MGAT4C: variants seen among roughly 807,000 people sequenced by gnomAD.
MGAT4C encodes MGAT4 family member C, also known as alpha-1,3-mannosyl-glycoprotein 4-beta-N-acetylglucosaminyltransferase C.
MGAT4C carries 19 observed loss-of-function variants against 40.1 expected under a neutral mutation model. The ratio of observed to expected loss-of-function variants is 0.47; its 90% CI spans 0.33 to 0.70. MGAT4C has a LOEUF of 0.70. MGAT4C is among the 30% of genes least tolerant of loss of function. The probability of loss-of-function intolerance (pLI) is 0.02; values close to 1 mark genes in which losing one functional copy is unlikely to be tolerated. For missense variants in MGAT4C, 491 were observed against 563.2 expected (o/e 0.87, Z 1.30); for synonymous variants, 181 against 187.1 (o/e 0.97, Z 0.27).
intron 2 of MGAT4C, among the ~76,000 whole-genome samples, chr12:86,704,708 A>T (rs1950425160): frequency 6.6e-6 from 1 of 152,126 alleles, no homozygotes; most frequent in Admixed American, 6.6e-5. Context: ...GATTGGCAAC[A>T]TGTAGTAAAA....
At chr12:86,235,186 A>G (rs1289390002) in intron 1 of MGAT4C, among the ~76,000 whole-genome samples, 1 of 151,978 alleles carries the variant, frequency 6.6e-6, no homozygotes, top group African/African-American at 2.4e-5. Context: ...TCGGCAGCAT[A>G]ATGAATATTC....
intron 1 of MGAT4C, among the ~76,000 whole-genome samples, chr12:86,785,130 G>A (rs990941451): frequency 6.6e-6 from 1 of 151,884 alleles, no homozygotes; most frequent in Non-Finnish European, 1.5e-5. Flanking sequence ...AAATACAGTC[G>A]CTAAATTATG....
At chr12:86,248,204 T>C (rs1363230692) in intron 1 of MGAT4C, among the ~76,000 whole-genome samples, 1 of 132,772 alleles carries the variant, frequency 7.5e-6, no homozygotes, top group Non-Finnish European at 1.7e-5. Flanking sequence ...TCTTCCTTCC[T>C]TCCTTCCTTC....
chr12:86,606,745 TAA>T (rs796428851), intron 2 of MGAT4C, among the ~76,000 whole-genome samples: 1 of 151,120 alleles, frequency 6.6e-6, no homozygotes, highest in African/African-American at 2.4e-5. Context: ...GATTGCTGGA[TAA>T]AAAAAAAGGC....
At chr12:86,630,110 G>A (rs530440497) in intron 2 of MGAT4C, among the ~76,000 whole-genome samples, 4 of 152,228 alleles carry the variant, frequency 2.6e-5, no homozygotes, top group African/African-American at 9.6e-5. Flanking sequence ...TTCCATCAGA[G>A]AATACTATAA....
intron 1 of MGAT4C, among the ~76,000 whole-genome samples, chr12:86,741,382 C>A (rs1041035269): frequency 7.3e-5 from 11 of 151,076 alleles, no homozygotes; most frequent in African/African-American, 2.7e-4. Flanking sequence ...TTTATATGAT[C>A]CTCTTTTGAA....
chr12:86,219,473 T>C (rs1428512362), intron 1 of MGAT4C, among the ~76,000 whole-genome samples: 1 of 152,220 alleles, frequency 6.6e-6, no homozygotes. Flanking sequence ...GTTGGATCAT[T>C]TGAACACTTA....
chr12:86,639,861 T>G (rs1247723719), intron 2 of MGAT4C, among the ~76,000 whole-genome samples: 1 of 151,752 alleles, frequency 6.6e-6, no homozygotes, highest in Non-Finnish European at 1.5e-5. Flanking sequence ...ACATCAAGAT[T>G]ATAAGGTTTC....
chr12:86,111,247 T>A (rs995018331), intron 1 of MGAT4C, among the ~76,000 whole-genome samples: 1 of 151,748 alleles, frequency 6.6e-6, no homozygotes, highest in African/African-American at 2.4e-5. Flanking sequence ...GTTAATGGCA[T>A]AAGAAAATGA....
intron 2 of MGAT4C, among the ~76,000 whole-genome samples, chr12:86,468,108 A>G (rs1340821121): frequency 6.6e-6 from 1 of 152,060 alleles, no homozygotes; most frequent in Non-Finnish European, 1.5e-5. Flanking sequence ...CTCAAAATTC[A>G]TATGCCCTAC....
chr12:86,574,161 T>C (rs1960473580), intron 2 of MGAT4C, among the ~76,000 whole-genome samples: 1 of 151,784 alleles, frequency 6.6e-6, no homozygotes, highest in South Asian at 2.1e-4. Context: ...AATTATGGTA[T>C]GGATATCTAT....
intron 4 of MGAT4C, among the ~76,000 whole-genome samples, chr12:86,326,878 C>T (rs772481134): frequency 6.6e-6 from 1 of 151,950 alleles, no homozygotes; most frequent in Non-Finnish European, 1.5e-5. Context: ...ACAATAATAA[C>T]AAAAATAAGA....
intron 2 of MGAT4C, among the ~76,000 whole-genome samples, chr12:86,585,895 C>T (rs1391122155): frequency 1.3e-5 from 2 of 151,130 alleles, no homozygotes; most frequent in Non-Finnish European, 3.0e-5. Context: ...ATGCAACATA[C>T]ATCTTCTTGA....
intron 1 of MGAT4C, among the ~76,000 whole-genome samples, chr12:86,085,679 A>T (rs919059907): frequency 4.6e-5 from 7 of 152,172 alleles, no homozygotes; most frequent in African/African-American, 1.4e-4. Flanking sequence ...CAAGGAACTT[A>T]AACAAATTTA....
At chr12:86,039,781 A>G (rs1007785765) in intron 2 of MGAT4C, among the ~76,000 whole-genome samples, 3 of 152,064 alleles carry the variant, frequency 2.0e-5, no homozygotes, top group South Asian at 2.1e-4. Flanking sequence ...GGGAGTTGTG[A>G]TCCTTTGAAG....
chr12:86,213,712 A>C (rs763562173), intron 1 of MGAT4C, among the ~76,000 whole-genome samples: 18 of 152,224 alleles, frequency 1.2e-4, no homozygotes, highest in Admixed American at 7.8e-4. Context: ...TTCTATACAC[A>C]TATTGGACTG....
chr12:86,092,604 C>T (rs530177995), intron 1 of MGAT4C, among the ~76,000 whole-genome samples: 2 of 152,200 alleles, frequency 1.3e-5, no homozygotes, highest in East Asian at 3.9e-4. Flanking sequence ...AAAATTTCAA[C>T]TAAATTCTCA....
intron 2 of MGAT4C, among the ~76,000 whole-genome samples, chr12:86,711,772 G>A (rs1317196981): frequency 6.6e-6 from 1 of 152,100 alleles, no homozygotes. Flanking sequence ...TCATATTTGT[G>A]TTGTTTTGTA....
At chr12:86,430,742 A>G (rs944535197) in intron 3 of MGAT4C, among the ~76,000 whole-genome samples, 1 of 152,122 alleles carries the variant, frequency 6.6e-6, no homozygotes, top group African/African-American at 2.4e-5. Flanking sequence ...GTGGATCCAG[A>G]GGCTATGGTC....
Sources: allele counts gnomAD v4.1 joint callset (sites outside exome capture counted in the v4.1 genomes callset), GRCh38; gene constraint gnomAD v4.1.1; transcripts MANE v1.5; gene names NCBI Gene and HGNC (gene_info 2026-07-23, HGNC 2026-07-21).